The following TMEM131L variants were observed in gnomAD, a reference collection of about 807,000 sequenced individuals.
TMEM131L encodes transmembrane 131 like, also known as transmembrane protein 131-like.
Under a neutral mutation model 192.2 loss-of-function variants are expected in TMEM131L, and 54 were observed. That is an observed-to-expected ratio of 0.28 (90% CI 0.23 to 0.35). TMEM131L has a LOEUF of 0.35. Ranked by LOEUF, TMEM131L falls within the 10% of genes least tolerant of loss-of-function variation. The pLI is 1.00. For synonymous variants in TMEM131L, 701 were observed against 704.9 expected (o/e 0.99, Z 0.09); for missense variants, 1,888 against 1,972.9 (o/e 0.96, Z 0.82).
chr4:153,528,500 C>T (rs1309972366), intron 3 of TMEM131L, among the ~76,000 whole-genome samples: 1 of 152,042 alleles, frequency 6.6e-6, no homozygotes, highest in African/African-American at 2.4e-5. Context: ...AAACAAATCA[C>T]AATAAGGTAA....
intron 31 of TMEM131L, among the ~76,000 whole-genome samples, chr4:153,630,645 A>G (rs1463903085): frequency 6.6e-6 from 1 of 152,208 alleles, no homozygotes; most frequent in Admixed American, 6.5e-5. Context: ...AGCAAATTCC[A>G]TACCAGCCAT....
At chr4:153,593,369 T>C (rs1418629298) in intron 18 of TMEM131L, among the ~76,000 whole-genome samples, 2 of 152,190 alleles carry the variant, frequency 1.3e-5, no homozygotes, top group Non-Finnish European at 2.9e-5. Context: ...CATTCCTGGC[T>C]TCTCCCACTA....
intron 28 of TMEM131L, among the ~76,000 whole-genome samples, 164 bp downstream of exon 28, chr4:153,622,013 C>G (rs952255493): frequency 6.6e-6 from 1 of 152,158 alleles, no homozygotes; most frequent in Non-Finnish European, 1.5e-5. Flanking sequence ...GACCAGAAAA[C>G]TAAGATTTGG....
chr4:153,543,119 A>G (rs1736918538), intron 3 of TMEM131L, among the ~76,000 whole-genome samples: 1 of 152,204 alleles, frequency 6.6e-6, no homozygotes. Context: ...TTTGACCTTG[A>G]AGCCTGAAGC....
rs771497113 is a variant in TMEM131L at position 153,596,286 on chromosome 4, G to T, written c.2024G>T (p.Gly675Val). 10 of 1,613,686 alleles carry T rather than the reference G, an allele frequency of 6.2e-6. No homozygotes were observed. In the East Asian group the frequency reaches 1.3e-4, roughly 22 times the overall value. ...ACGCATTCTGAGGAATCCAGGTTTG[G>T]CATCCTCCACTTACATCTGCAGCCT... Reference protein sequence around the residue: ...LGTHSEESRFGILHLHLQPLE... With the variant: ...LGTHSEESRFVILHLHLQPLE... The change falls in exon 20 of 35, where the codon GGC becomes GTC. Residue 675 changes from glycine to valine, a missense_variant. Physicochemically the swap from Gly to Val is moderately radical, Grantham distance 109 (BLOSUM62 -3). Coordinates refer to ENST00000409959, the MANE Select transcript of TMEM131L (RefSeq NM_001131007.2).
intron 29 of TMEM131L, among the ~76,000 whole-genome samples, chr4:153,624,542 A>G (rs1341186376): frequency 6.6e-6 from 1 of 152,258 alleles, no homozygotes; most frequent in East Asian, 1.9e-4. Context: ...GAGATTGTGC[A>G]GTTCCTGTTT....
chr4:153,469,359 A>G (rs1730995088), intron 2 of TMEM131L, among the ~76,000 whole-genome samples: 1 of 143,544 alleles, frequency 7.0e-6, no homozygotes, highest in African/African-American at 2.9e-5. Flanking sequence ...GTGTGTGTAT[A>G]TATATCTCAT....
intron 3 of TMEM131L, among the ~76,000 whole-genome samples, chr4:153,486,470 T>C (rs996769535): frequency 7.2e-5 from 11 of 152,218 alleles, no homozygotes; most frequent in Non-Finnish European, 1.3e-4. Flanking sequence ...CAATAAAGAA[T>C]GCATGATGTC....
chr4:153,574,561 T>C (rs185508848), intron 7 of TMEM131L, among the ~76,000 whole-genome samples: 212 of 152,356 alleles, frequency 1.4e-3, no homozygotes, highest in African/African-American at 4.8e-3. Flanking sequence ...AGATGGCTTA[T>C]ACAGAATCAG....
intron 3 of TMEM131L, among the ~76,000 whole-genome samples, chr4:153,483,657 T>C (rs546535444): frequency 6.6e-6 from 1 of 152,274 alleles, no homozygotes; most frequent in East Asian, 1.9e-4. Context: ...TTTGCCACTG[T>C]ACTCCAGCCT....
At position 153,574,819 on chromosome 4, in the gene TMEM131L, C is replaced by T. The variant is rs573665091; in HGVS notation, c.661-6007C>T. Among the ~76,000 whole-genome samples the T allele has an allele frequency of 3.0e-3, 460 of 152,232 alleles. 1 individual carries two copies. Among genetic ancestry groups the T allele is most frequent in the African/African-American group, 0.01 (423 of 41,536 alleles). ...GACAGGCTGGTCTCAAATTCTTGAC[C>T]TCGAGTGATCCGCCCTCCTTGGCCT... On this transcript the variant is annotated intron_variant, in intron 7 of 34. Coordinates refer to ENST00000409959, the MANE Select transcript of TMEM131L (RefSeq NM_001131007.2).
At chr4:153,532,446 TAAAA>T (rs57314018) in intron 3 of TMEM131L, among the ~76,000 whole-genome samples, 66 of 145,060 alleles carry the variant, frequency 4.5e-4, no homozygotes, top group African/African-American at 1.5e-3. Context: ...GCTTTTTTTT[TAAAA>T]AAAAAAAAAG....
intron 3 of TMEM131L, among the ~76,000 whole-genome samples, chr4:153,490,008 A>G (rs1353941716): frequency 1.3e-5 from 2 of 151,040 alleles, no homozygotes; most frequent in East Asian, 3.9e-4. Context: ...AGGCTGAAGC[A>G]GGTCTTGGTG....
intron 3 of TMEM131L, among the ~76,000 whole-genome samples, chr4:153,501,897 C>G (rs573117186): frequency 6.6e-6 from 1 of 151,278 alleles, no homozygotes; most frequent in Non-Finnish European, 1.5e-5. Context: ...AGTAGGATTT[C>G]CCCTCTACCT....
rs776454211 is a variant in TMEM131L, at chr4:153,636,472, A to G, written c.4729A>G (p.Asn1577Asp). 1 of 1,614,226 alleles carries G rather than the reference A, an allele frequency of 6.2e-7. No individual in the cohort carries two copies. The highest frequency in any genetic ancestry group is 1.1e-5 in the South Asian group (1 of 91,088). Reference sequence around the variant, plus strand: ...GTGCAAGGAATACTACCCGGGGTTCAACCCGTTTCGCGCCTATATGAACCT... The same window carrying G: ...GTGCAAGGAATACTACCCGGGGTTCGACCCGTTTCGCGCCTATATGAACCT... ...VVCKEYYPGF[N>D]PFRAYMNLDI... Residue 1577 changes from asparagine to aspartate, a missense_variant, in exon 35 of 35, where the codon AAC becomes GAC. Coordinates refer to ENST00000409959, the MANE Select transcript of TMEM131L (RefSeq NM_001131007.2).
At chr4:153,471,063 C>T (rs1043398691) in intron 2 of TMEM131L, among the ~76,000 whole-genome samples, 1 of 151,846 alleles carries the variant, frequency 6.6e-6, no homozygotes, top group Admixed American at 6.6e-5. Flanking sequence ...TTTCGGCTCA[C>T]TGCAACCTCC....
intron 9 of TMEM131L, among the ~76,000 whole-genome samples, chr4:153,581,776 C>T (rs1475945716): frequency 6.9e-6 from 1 of 144,904 alleles, no homozygotes; most frequent in East Asian, 1.9e-4. Context: ...TTCTGAGTTT[C>T]CTTAGGAATA....
rs1431252039 is a variant in TMEM131L, at chr4:153,466,385, C to G, written c.-13C>G. On this transcript the variant is annotated 5_prime_UTR_variant, in exon 1 of 35. Transcript: ENST00000409959. Reference sequence around the variant, plus strand: ...GAGCGCGGCGAGCAACGGAGAGGAGCGCGAGCAGCAGCATGGCGGGGCTCC... The same window carrying G: ...GAGCGCGGCGAGCAACGGAGAGGAGGGCGAGCAGCAGCATGGCGGGGCTCC... 2.0e-5 allele frequency: 26 copies of G among 1,302,142 alleles called. No homozygotes were observed. The highest frequency in any genetic ancestry group is 2.4e-5 in the Non-Finnish European group (25 of 1,021,894). 80.7% of individuals were successfully genotyped at this position (1,302,142 alleles called of 1,614,324 possible). A position where few individuals can be genotyped will look rare whatever the true frequency, so the allele number is the denominator to read the frequency against.
At chr4:153,534,124 C>T (rs1306092933) in intron 3 of TMEM131L, among the ~76,000 whole-genome samples, 1 of 152,158 alleles carries the variant, frequency 6.6e-6, no homozygotes, top group Non-Finnish European at 1.5e-5. Flanking sequence ...ATCAATGACA[C>T]CGGTTTGGGA....
Sources: allele counts gnomAD v4.1 joint callset (sites outside exome capture counted in the v4.1 genomes callset), GRCh38; gene constraint gnomAD v4.1.1; transcripts MANE v1.5; gene names NCBI Gene and HGNC (gene_info 2026-07-23, HGNC 2026-07-21).